The following XKR4 variants were observed in gnomAD, a reference collection of about 807,000 sequenced individuals.
XKR4 encodes the protein XK-related protein 4.
XKR4 carries 12 observed loss-of-function variants against 53.9 expected under a neutral mutation model. The observed-to-expected ratio is 0.22, with a 90% CI of 0.14 to 0.36. XKR4 has a LOEUF of 0.36. XKR4 is among the 10% of genes least tolerant of loss of function. XKR4 has a pLI of 1.00. For missense variants in XKR4, 799 were observed against 859.5 expected, an observed-to-expected ratio of 0.93 and a Z score of 0.88; for synonymous variants, 354 against 362.4, an observed-to-expected ratio of 0.98 and a Z score of 0.26.
intron 2 of XKR4, among the ~76,000 whole-genome samples, chr8:55,423,259 C>A (rs893577110): frequency 6.6e-6 from 1 of 152,096 alleles, no homozygotes; most frequent in Non-Finnish European, 1.5e-5. Context: ...CCAAGCCCAG[C>A]TAATTTTTGT....
At chr8:55,155,351 T>C (rs1816892791) in intron 1 of XKR4, among the ~76,000 whole-genome samples, 1 of 151,988 alleles carries the variant, frequency 6.6e-6, no homozygotes, top group Non-Finnish European at 1.5e-5. Flanking sequence ...AGGTAGAACA[T>C]CCTCGATGCG....
chr8:55,505,064 A>G (rs1189834129), intron 2 of XKR4, among the ~76,000 whole-genome samples: 2 of 151,426 alleles, frequency 1.3e-5, no homozygotes, highest in Non-Finnish European at 2.9e-5. Context: ...TGCTCTAATT[A>G]TTATTATTTC....
intron 2 of XKR4, among the ~76,000 whole-genome samples, chr8:55,509,652 A>G (rs1224401392): frequency 6.6e-6 from 1 of 152,146 alleles, no homozygotes; most frequent in Non-Finnish European, 1.5e-5. Context: ...ATTTATCTCT[A>G]AAAATAAGGT....
chr8:55,333,871 G>A (rs1162057203), intron 1 of XKR4, among the ~76,000 whole-genome samples: 2 of 152,158 alleles, frequency 1.3e-5, no homozygotes, highest in Non-Finnish European at 2.9e-5. Context: ...TGGGGCAAAG[G>A]TGAGTAAAAA....
chr8:55,185,302 C>T (rs1817361499), intron 1 of XKR4, among the ~76,000 whole-genome samples: 1 of 152,132 alleles, frequency 6.6e-6, no homozygotes, highest in African/African-American at 2.4e-5. Context: ...TGAGAAATCC[C>T]ACTTCAACCA....
intron 1 of XKR4, among the ~76,000 whole-genome samples, chr8:55,134,955 T>C (rs1816603996): frequency 1.3e-5 from 2 of 152,168 alleles, no homozygotes; most frequent in Admixed American, 6.5e-5. Context: ...AGCTGGATTT[T>C]TTTTTTTTTA....
At chr8:55,370,315 C>T (rs990743226) in intron 2 of XKR4, among the ~76,000 whole-genome samples, 6 of 152,088 alleles carry the variant, frequency 3.9e-5, no homozygotes, top group Non-Finnish European at 5.9e-5. Context: ...GGGGCAAATC[C>T]GTTGAGATTT....
intron 2 of XKR4, among the ~76,000 whole-genome samples, chr8:55,460,789 G>A (rs1264667173): frequency 6.6e-6 from 1 of 152,182 alleles, no homozygotes; most frequent in African/African-American, 2.4e-5. Context: ...CCCTAATACT[G>A]TGTTTTTCCA....
chr8:55,479,391 A>T (rs372953733), intron 2 of XKR4, among the ~76,000 whole-genome samples: 7 of 152,074 alleles, frequency 4.6e-5, no homozygotes, highest in Non-Finnish European at 8.8e-5. Context: ...CTGGGACACA[A>T]TCAAAGCAGT....
At chr8:55,293,087 C>A (rs943386075) in intron 1 of XKR4, among the ~76,000 whole-genome samples, 13 of 152,144 alleles carry the variant, frequency 8.5e-5, no homozygotes, top group Non-Finnish European at 1.6e-4. Flanking sequence ...CTAATCCCAG[C>A]ATTGTAGGAA....
chr8:55,355,633 G>T (rs902477139), intron 1 of XKR4, among the ~76,000 whole-genome samples: 2 of 152,138 alleles, frequency 1.3e-5, no homozygotes, highest in African/African-American at 4.8e-5. Flanking sequence ...AAAAGATCAA[G>T]TAGCTTATAA....
At chr8:55,311,246 T>C (rs114750163) in intron 1 of XKR4, among the ~76,000 whole-genome samples, 1,933 of 152,296 alleles carry the variant, frequency 0.013, 39 homozygotes, top group African/African-American at 0.043. Flanking sequence ...CCTTCATGGA[T>C]GACACTCACA....
intron 2 of XKR4, among the ~76,000 whole-genome samples, chr8:55,470,646 C>T (rs891130266): frequency 2.6e-5 from 4 of 152,106 alleles, no homozygotes; most frequent in Non-Finnish European, 4.4e-5. Context: ...TTTTTTAAAG[C>T]AAGGCAAGCC....
At chr8:55,286,467 T>C (rs1003664762) in intron 1 of XKR4, among the ~76,000 whole-genome samples, 24 of 152,112 alleles carry the variant, frequency 1.6e-4, no homozygotes, top group African/African-American at 5.3e-4. Context: ...TCTGGAGTAC[T>C]GGGTGGGAGG....
At chr8:55,451,268 G>A in intron 2 of XKR4, 1 of 584,600 alleles carries the variant, frequency 1.7e-6, no homozygotes, top group East Asian at 2.9e-5. Flanking sequence ...TCCAGACACT[G>A]CCCCCACTTA....
In XKR4 at chr8:55,526,676, G is replaced by A. The variant is rs1806886797; in HGVS notation, c.*2449G>A. Reference sequence around the variant, plus strand: ...TTGAACTGTACCTTTGATTCTATGAGTAAATCACAGATTACAGTCTAATAG... The same window carrying A: ...TTGAACTGTACCTTTGATTCTATGAATAAATCACAGATTACAGTCTAATAG... On this transcript the variant is annotated 3_prime_UTR_variant, in exon 3 of 3. Coordinates refer to ENST00000327381, the MANE Select transcript of XKR4 (RefSeq NM_052898.2). The A allele has an allele frequency of 1.3e-5, 2 of 152,280 alleles. No homozygotes were observed. The highest frequency in any genetic ancestry group is 2.9e-5 in the Non-Finnish European group (2 of 68,026). 9.4% of individuals were successfully genotyped at this position (152,280 alleles called of 1,614,324 possible).
At chr8:55,424,344 T>C (rs779459257) in intron 2 of XKR4, among the ~76,000 whole-genome samples, 13 of 152,220 alleles carry the variant, frequency 8.5e-5, no homozygotes, top group Non-Finnish European at 1.8e-4. Context: ...TTTTTTATAG[T>C]TAACATGAGC....
At chr8:55,410,953 C>T (rs896632178) in intron 2 of XKR4, among the ~76,000 whole-genome samples, 3 of 152,186 alleles carry the variant, frequency 2.0e-5, no homozygotes, top group African/African-American at 7.2e-5. Context: ...TCCAGACCCT[C>T]ATGTCACTGT....
chr8:55,418,659 C>G (rs550672370), intron 2 of XKR4, among the ~76,000 whole-genome samples: 1 of 152,254 alleles, frequency 6.6e-6, no homozygotes, highest in African/African-American at 2.4e-5. Flanking sequence ...TCATCTCACT[C>G]CTCTATTCAA....
Sources: allele counts gnomAD v4.1 joint callset (sites outside exome capture counted in the v4.1 genomes callset), GRCh38; gene constraint gnomAD v4.1.1; transcripts MANE v1.5; gene names NCBI Gene and HGNC (gene_info 2026-07-23, HGNC 2026-07-21).